The following PTTG1IP variants were observed in gnomAD, a reference collection of about 807,000 sequenced individuals.
The protein encoded by PTTG1IP is pituitary tumor-transforming gene 1 protein-interacting protein.
Under a neutral mutation model 24.4 loss-of-function variants are expected in PTTG1IP, and 16 were observed. That is an observed-to-expected ratio of 0.66 (90% CI 0.44 to 1.00). The LOEUF is 1.00. PTTG1IP is among the 50% of genes least tolerant of loss of function. PTTG1IP has a pLI of 0.00. For missense variants in PTTG1IP, 241 were observed against 245.8 expected (o/e 0.98, Z 0.13); for synonymous variants, 89 against 96.8 (o/e 0.92, Z 0.47).
chr21:44,858,443 C>T (rs1003283213), intron 3 of PTTG1IP, among the ~76,000 whole-genome samples: 2 of 152,230 alleles, frequency 1.3e-5, no homozygotes, highest in Non-Finnish European at 2.9e-5. Flanking sequence ...CCAGCTCAGA[C>T]AGCCTCTTCC....
rs1293822079 is a variant in PTTG1IP, at chr21:44,850,404, G to C, written c.*1177C>G. 1.3e-5 allele frequency: 2 copies of C among 152,262 alleles called. No homozygotes were observed. The highest frequency in any genetic ancestry group is 4.8e-5 in the African/African-American group (2 of 41,458). 9.4% of individuals were successfully genotyped at this position (152,262 alleles called of 1,614,324 possible). On this transcript the variant is annotated 3_prime_UTR_variant, in exon 6 of 6. Coordinates refer to ENST00000330938, the MANE Select transcript of PTTG1IP (RefSeq NM_004339.4). The stretch of plus-strand genomic sequence containing the variant: ...CGTATCCTGATTTTACAGAAACGTG[G>C]GCAGGTCCAGCAGTGCCACTGGAGA...
At chr21:44,855,901 C>T (rs1371473996) in intron 4 of PTTG1IP, among the ~76,000 whole-genome samples, 2 of 152,130 alleles carry the variant, frequency 1.3e-5, no homozygotes, top group Non-Finnish European at 2.9e-5. Flanking sequence ...CTGGACGAGC[C>T]GCCTTAGCAG....
chr21:44,871,028 G>A (rs939429358), intron 1 of PTTG1IP, among the ~76,000 whole-genome samples: 2 of 152,196 alleles, frequency 1.3e-5, no homozygotes, highest in Admixed American at 1.3e-4. Context: ...GCAGCCAAAC[G>A]GGCATGGTGC....
intron 2 of PTTG1IP, among the ~76,000 whole-genome samples, chr21:44,862,084 G>A (rs528456563): frequency 5.9e-5 from 9 of 152,322 alleles, no homozygotes; most frequent in Admixed American, 2.6e-4. Flanking sequence ...ACACCCGTGT[G>A]TGTGTGTGTA....
At chr21:44,863,150 C>G (rs978180462) in intron 2 of PTTG1IP, among the ~76,000 whole-genome samples, 6 of 121,856 alleles carry the variant, frequency 4.9e-5, no homozygotes, top group African/African-American at 1.7e-4. Flanking sequence ...ACGGCCTCAG[C>G]AGCAGAGACA....
chr21:44,867,911 A>G (rs1013375597), intron 1 of PTTG1IP, among the ~76,000 whole-genome samples: 1 of 152,190 alleles, frequency 6.6e-6, no homozygotes, highest in African/African-American at 2.4e-5. Flanking sequence ...TCTATTTAAC[A>G]GTGTAGTTCT....
chr21:44,855,146 G>T, intron 5 of PTTG1IP, 64 bp downstream of exon 5: 1 of 1,509,692 alleles, frequency 6.6e-7, no homozygotes, highest in Non-Finnish European at 9.2e-7. Flanking sequence ...TGGCACTAAC[G>T]AGGACCGAGA....
At chr21:44,869,213 G>T (rs961423246) in intron 1 of PTTG1IP, among the ~76,000 whole-genome samples, 2 of 152,188 alleles carry the variant, frequency 1.3e-5, no homozygotes, top group Non-Finnish European at 2.9e-5. Flanking sequence ...ATTTCAGGGG[G>T]TAGGGGAACA....
Position 44,861,214 on chromosome 21 carries a change from G to A in PTTG1IP, c.226C>T (p.Pro76Ser). Residue 76 changes from proline to serine, a missense_variant, in exon 3 of 6, where the codon CCA becomes TCA. Transcript: ENST00000330938. ...CLDYPVTSVLPPASLCKLSSA... is the reference protein window; with the variant it reads ...CLDYPVTSVLSPASLCKLSSA... The stretch of plus-strand genomic sequence containing the variant: ...CTCAATTTACAAAGGGAAGCCGGTG[G>A]CAAGACGCTTGTAACTGGGTAGTCC... The A allele has an allele frequency of 6.2e-7, 1 of 1,614,146 alleles. No homozygotes were observed. The highest frequency in any genetic ancestry group is 8.5e-7 in the Non-Finnish European group (1 of 1,179,996).
chr21:44,864,357 C>G (rs537949198), intron 2 of PTTG1IP, among the ~76,000 whole-genome samples: 1 of 152,372 alleles, frequency 6.6e-6, no homozygotes, highest in South Asian at 2.1e-4. Context: ...CAGGCCACCA[C>G]GCAGAGAAAA....
At chr21:44,860,350 AAAATAAAT>A (rs542162032) in intron 3 of PTTG1IP, among the ~76,000 whole-genome samples, 2 of 152,118 alleles carry the variant, frequency 1.3e-5, no homozygotes, top group African/African-American at 2.4e-5. Flanking sequence ...GCCCGTCTCA[AAAATAAAT>A]AAATAAATAA....
chr21:44,870,525 C>CA (rs60436978), intron 1 of PTTG1IP, among the ~76,000 whole-genome samples: 21,094 of 76,526 alleles, frequency 0.28, 3,858 homozygotes, highest in Non-Finnish European at 0.34. Context: ...GACTCCATCT[C>CA]AAAAAAAAAA....
In PTTG1IP at chr21:44,865,625, T is replaced by C. The variant is rs1003537517; in HGVS notation, c.116-178A>G. 1.7e-5 allele frequency: 11 copies of C among 664,532 alleles called. 1 individual carries two copies. The highest frequency in any genetic ancestry group is 1.4e-4 in the South Asian group (8 of 57,586). The allele number at this position is 664,532 out of a possible 1,614,324, so 41.2% of individuals were successfully genotyped here. A position where few individuals can be genotyped will look rare whatever the true frequency, so the allele number is the denominator to read the frequency against. On this transcript the variant is annotated intron_variant, in intron 1 of 5. Coordinates refer to ENST00000330938, the MANE Select transcript of PTTG1IP (RefSeq NM_004339.4). ...CTGATAACAAGCCTTCTTCAAGACA[T>C]GTGGAACGAGTGTTCAGGAACCCCG...
At chr21:44,857,702 C>T (rs545722904) in intron 3 of PTTG1IP, among the ~76,000 whole-genome samples, 4 of 152,224 alleles carry the variant, frequency 2.6e-5, no homozygotes, top group Non-Finnish European at 5.9e-5. Flanking sequence ...GCCTCTGGGG[C>T]TCCCGCAGCC....
chr21:44,873,468 C>A, intron 1 of PTTG1IP, 34 bp downstream of exon 1: 4 of 1,350,550 alleles, frequency 3.0e-6, no homozygotes, highest in Non-Finnish European at 3.8e-6. Flanking sequence ...CCGCCCCGCC[C>A]CCTTCGCGGC....
At chr21:44,866,805 T>A (rs1397344020) in intron 1 of PTTG1IP, among the ~76,000 whole-genome samples, 1 of 152,052 alleles carries the variant, frequency 6.6e-6, no homozygotes, top group Admixed American at 6.5e-5. Flanking sequence ...CCTACCAGAA[T>A]GGCTAAAATT....
intron 1 of PTTG1IP, chr21:44,873,070 C>G (rs977384868): frequency 2.0e-5 from 3 of 152,410 alleles, no homozygotes; most frequent in African/African-American, 7.2e-5. Context: ...CGGCCGCCAT[C>G]CCGGCCTGCC....
intron 4 of PTTG1IP, 21 bp downstream of exon 4, chr21:44,856,172 C>T (rs760825897): frequency 1.7e-5 from 27 of 1,613,792 alleles, no homozygotes; most frequent in East Asian, 4.5e-5. Context: ...ACCTTCCCAG[C>T]GGGCATCACC....
intron 1 of PTTG1IP, among the ~76,000 whole-genome samples, chr21:44,869,455 T>A (rs1276033521): frequency 6.6e-6 from 1 of 152,168 alleles, no homozygotes; most frequent in Non-Finnish European, 1.5e-5. Flanking sequence ...TGATTGTCAA[T>A]TTACAATACA....
Sources: allele counts gnomAD v4.1 joint callset (sites outside exome capture counted in the v4.1 genomes callset), GRCh38; gene constraint gnomAD v4.1.1; transcripts MANE v1.5; gene names NCBI Gene and HGNC (gene_info 2026-07-23, HGNC 2026-07-21).